Variants in DPYD observed in about 807,000 individuals in gnomAD.
DPYD encodes dihydropyrimidine dehydrogenase.
DPYD carries 109 observed loss-of-function variants against 116.2 expected under a neutral mutation model. That is an observed-to-expected ratio of 0.94 (90% CI 0.80 to 1.10). The LOEUF is 1.10. Among genes scored for constraint, DPYD ranks in the 50% least tolerant of loss-of-function variants. DPYD has a pLI of 0.00. For synonymous variants in DPYD, 440 were observed against 432.0 expected, an observed-to-expected ratio of 1.02 and a Z score of -0.23; for missense variants, 1,302 against 1,254.5, an observed-to-expected ratio of 1.04 and a Z score of -0.57.
chr1:97,097,330 C>G (rs1287651117), intron 21 of DPYD, among the ~76,000 whole-genome samples: 2 of 150,534 alleles, frequency 1.3e-5, no homozygotes, highest in Non-Finnish European at 3.0e-5. Flanking sequence ...TTTTTTTTTT[C>G]TTCATAGGTA....
intron 3 of DPYD, among the ~76,000 whole-genome samples, chr1:97,792,783 A>C (rs1332002624): frequency 6.6e-6 from 1 of 152,148 alleles, no homozygotes; most frequent in Non-Finnish European, 1.5e-5. Context: ...ATCATGAGGA[A>C]AACATCAGAC....
chr1:97,388,178 T>C (rs1377933244), intron 14 of DPYD, among the ~76,000 whole-genome samples: 3 of 152,128 alleles, frequency 2.0e-5, no homozygotes, highest in African/African-American at 4.8e-5. Context: ...CTTGAACTAC[T>C]GAACTGTGGA....
intron 20 of DPYD, among the ~76,000 whole-genome samples, chr1:97,150,016 T>C (rs1347807868): frequency 7.9e-5 from 12 of 152,228 alleles, no homozygotes; most frequent in Non-Finnish European, 1.6e-4. Context: ...TAATACCATG[T>C]GGCGTTACTT....
chr1:97,735,685 C>CATAAATAAATAA lies in DPYD; in HGVS notation c.321+4695_321+4706dup, dbSNP rs5776378. ...CCTGGGCGACAGAGCAAGACTCTGT[C>CATAAATAAATAA]ATAAATAAATAAATAAATAAATAAA... On this transcript the variant is annotated intron_variant, in intron 4 of 22. Coordinates refer to ENST00000370192, the MANE Select transcript of DPYD (RefSeq NM_000110.4). Among the ~76,000 whole-genome samples the CATAAATAAATAA allele has an allele frequency of 1.4e-3, 184 of 133,834 alleles. 2 individuals are homozygous for CATAAATAAATAA. The highest frequency in any genetic ancestry group is 4.0e-3 in the African/African-American group (146 of 36,256). The allele number at this position is 133,834 out of a possible 152,430, so 87.8% of individuals were successfully genotyped here. A position where few individuals can be genotyped will look rare whatever the true frequency, so the allele number is the denominator to read the frequency against.
rs186738025 is a variant in DPYD at position 97,454,807 on chromosome 1, T to C, written c.1741-4584A>G. On this transcript the variant is annotated intron_variant, in intron 13 of 22. Transcript: ENST00000370192. ...TACTACTGAATTAAAACAGTCACAA[T>C]GGCCACAATGAACACAAAAAGAAAA... 4.8e-4 allele frequency among the ~76,000 whole-genome samples: 73 copies of C among 151,992 alleles called. 1 individual carries two copies. Among genetic ancestry groups the C allele is most frequent in the African/African-American group, 1.7e-3 (71 of 41,556 alleles).
intron 16 of DPYD, among the ~76,000 whole-genome samples, chr1:97,341,499 C>A (rs1669586938): frequency 6.6e-6 from 1 of 152,090 alleles, no homozygotes; most frequent in Non-Finnish European, 1.5e-5. Context: ...GAATTTTCAT[C>A]TCTCTAAGTT....
At chr1:97,292,704 G>A (rs193136158) in intron 18 of DPYD, among the ~76,000 whole-genome samples, 5 of 116,178 alleles carry the variant, frequency 4.3e-5, no homozygotes, top group South Asian at 3.3e-4. Flanking sequence ...ATGCGTGCAC[G>A]CGCGCGCACA....
chr1:97,571,081 G>A (rs922063040), intron 11 of DPYD, among the ~76,000 whole-genome samples: 12 of 152,014 alleles, frequency 7.9e-5, no homozygotes, highest in Non-Finnish European at 1.5e-4. Flanking sequence ...ATGAATGCAC[G>A]TATGAATGGA....
At chr1:97,596,324 G>A (rs1037443490) in intron 8 of DPYD, among the ~76,000 whole-genome samples, 3 of 151,968 alleles carry the variant, frequency 2.0e-5, no homozygotes, top group African/African-American at 7.2e-5. Flanking sequence ...GTGGTATTAA[G>A]GATATTCCAA....
At chr1:97,624,529 G>C (rs960299289) in intron 8 of DPYD, among the ~76,000 whole-genome samples, 3 of 151,920 alleles carry the variant, frequency 2.0e-5, no homozygotes, top group South Asian at 2.1e-4. Context: ...ATGTAAATTA[G>C]TAGAGCCACT....
At chr1:97,460,721 C>T (rs1194776391) in intron 13 of DPYD, among the ~76,000 whole-genome samples, 1 of 152,106 alleles carries the variant, frequency 6.6e-6, no homozygotes, top group Non-Finnish European at 1.5e-5. Flanking sequence ...TCTACATTAA[C>T]CAGTCAAGAT....
intron 13 of DPYD, among the ~76,000 whole-genome samples, chr1:97,463,416 A>C (rs542941348): frequency 9.1e-4 from 139 of 152,324 alleles, no homozygotes; most frequent in African/African-American, 3.0e-3. Flanking sequence ...AACTGTAAGT[A>C]CATTAAACCT....
intron 3 of DPYD, among the ~76,000 whole-genome samples, chr1:97,756,990 C>T (rs943028599): frequency 6.6e-6 from 1 of 152,068 alleles, no homozygotes; most frequent in Non-Finnish European, 1.5e-5. Context: ...CCCCACTCCT[C>T]CTAAATGTTA....
intron 1 of DPYD, among the ~76,000 whole-genome samples, chr1:97,909,118 A>G (rs1268084929): frequency 2.0e-5 from 3 of 152,088 alleles, no homozygotes; most frequent in African/African-American, 7.2e-5. Flanking sequence ...CAGAAAATCT[A>G]TTCATACTTT....
intron 19 of DPYD, among the ~76,000 whole-genome samples, chr1:97,206,825 A>G (rs1249454116): frequency 6.6e-6 from 1 of 151,032 alleles, no homozygotes; most frequent in African/African-American, 2.4e-5. Context: ...ATATACACAC[A>G]ATATTGTATG....
chr1:97,378,801 T>C (rs1361208242), intron 15 of DPYD, among the ~76,000 whole-genome samples: 2 of 152,168 alleles, frequency 1.3e-5, no homozygotes, highest in Non-Finnish European at 2.9e-5. Flanking sequence ...CGGAACTTGC[T>C]TTCTAACAAG....
At chr1:97,512,546 T>C (rs1375858172) in intron 13 of DPYD, among the ~76,000 whole-genome samples, 3 of 152,032 alleles carry the variant, frequency 2.0e-5, no homozygotes, top group Non-Finnish European at 4.4e-5. Flanking sequence ...ATATAATATG[T>C]AGCTCTCCAA....
intron 12 of DPYD, among the ~76,000 whole-genome samples, chr1:97,528,700 T>G (rs1313987227): frequency 6.6e-6 from 1 of 152,194 alleles, no homozygotes; most frequent in African/African-American, 2.4e-5. Flanking sequence ...TTTTTGATAT[T>G]TCTTCTCTCT....
At chr1:97,248,713 G>A (rs1662887390) in intron 18 of DPYD, among the ~76,000 whole-genome samples, 1 of 151,942 alleles carries the variant, frequency 6.6e-6, no homozygotes, top group Non-Finnish European at 1.5e-5. Flanking sequence ...ATCTGACAAA[G>A]AACATCTATA....
Sources: gnomAD v4.1 joint callset for allele counts (sites outside exome capture counted in the v4.1 genomes callset) on GRCh38, gnomAD v4.1.1 for gene constraint, MANE v1.5 for transcripts, NCBI Gene and HGNC (gene_info 2026-07-23, HGNC 2026-07-21) for gene names.